Variants in CDON observed in about 807,000 individuals in gnomAD.
CDON encodes the protein cell adhesion molecule-related/down-regulated by oncogenes.
In CDON, 73 loss-of-function variants were observed where a neutral mutation model predicts 120.9. That is an observed-to-expected ratio of 0.60 (90% CI 0.50 to 0.73). CDON has a LOEUF of 0.73. Ranked by LOEUF, CDON falls within the 30% of genes least tolerant of loss-of-function variation. The pLI is 0.00. For missense variants in CDON, 1,470 were observed against 1,587.3 expected (o/e 0.93, Z 1.26); for synonymous variants, 566 against 573.5 (o/e 0.99, Z 0.19).
In CDON at chr11:125,996,280, A is replaced by G. The variant is rs184165983; in HGVS notation, c.2362+927T>C. 2.5e-3 allele frequency among the ~76,000 whole-genome samples: 378 copies of G among 152,248 alleles called. 1 individual carries two copies. The highest frequency in any genetic ancestry group is 6.6e-3 in the African/African-American group (276 of 41,552). ...AAAGCCCAGAAATAAAGAATAGGTAAGTGGATTATGGTATATTTATTTATA... is the reference window on the plus strand; with the variant it reads ...AAAGCCCAGAAATAAAGAATAGGTAGGTGGATTATGGTATATTTATTTATA... On this transcript the variant is annotated intron_variant, in intron 12 of 19. Transcript: ENST00000531738.
chr11:126,053,671 T>C lies in CDON; in HGVS notation c.-62+8908A>G, dbSNP rs12276645. Among the ~76,000 whole-genome samples, 401 of 152,344 alleles carry C rather than the reference T, an allele frequency of 2.6e-3. 2 individuals carry two copies. The highest frequency in any genetic ancestry group is 9.3e-3 in the African/African-American group (386 of 41,574). ...GATGTTTTCAATACATTGCAAGCTA[T>C]GTAATGTATTGCATACCATATCGAG... On this transcript the variant is annotated intron_variant, in intron 1 of 19. Transcript: ENST00000531738.
intron 1 of CDON, among the ~76,000 whole-genome samples, chr11:126,044,415 A>G (rs376658736): frequency 6.6e-6 from 1 of 152,230 alleles, no homozygotes; most frequent in Non-Finnish European, 1.5e-5. Flanking sequence ...TCAGTATAAT[A>G]TATCAAAGGG....
At chr11:125,993,003 G>A (rs910929665) in intron 14 of CDON, among the ~76,000 whole-genome samples, 1 of 152,152 alleles carries the variant, frequency 6.6e-6, no homozygotes, top group African/African-American at 2.4e-5. Flanking sequence ...CCAACATTAG[G>A]GAGTTTACGA....
rs1227135410 is a variant in CDON at position 126,015,528 on chromosome 11, A to C, written c.929-18T>G. 6.2e-7 allele frequency: 1 copy of C among 1,612,672 alleles called. No homozygotes were observed. The highest frequency in any genetic ancestry group is 8.5e-7 in the Non-Finnish European group (1 of 1,179,062). On this transcript the variant is annotated intron_variant, in intron 6 of 19. Transcript: ENST00000531738. Reference sequence around the variant, plus strand: ...AGCATGTTCTGAAAATAAAACACACAAATTAAACTCTAGCCCTCAAAATGT... The same window carrying C: ...AGCATGTTCTGAAAATAAAACACACCAATTAAACTCTAGCCCTCAAAATGT...
chr11:125,996,339 T>C (rs1946781737), intron 12 of CDON, among the ~76,000 whole-genome samples: 1 of 152,138 alleles, frequency 6.6e-6, no homozygotes, highest in Admixed American at 6.6e-5. Flanking sequence ...GTTGAGTTTG[T>C]GAAGAATTTT....
chr11:125,999,866 T>TC (rs1365298868), intron 11 of CDON, among the ~76,000 whole-genome samples: 1 of 152,186 alleles, frequency 6.6e-6, no homozygotes, highest in Non-Finnish European at 1.5e-5. Context: ...CACAAGGCAT[T>TC]CCCCACAGTA....
intron 1 of CDON, among the ~76,000 whole-genome samples, chr11:126,050,971 G>A (rs1948544316): frequency 6.6e-6 from 1 of 151,864 alleles, no homozygotes; most frequent in South Asian, 2.1e-4. Flanking sequence ...CAGTGAATGA[G>A]AAAGAACCTT....
chr11:125,998,153 T>C (rs1031546762), intron 11 of CDON, among the ~76,000 whole-genome samples: 2 of 152,234 alleles, frequency 1.3e-5, no homozygotes, highest in Non-Finnish European at 2.9e-5. Flanking sequence ...GTAGATGGTC[T>C]AGACTCTGCA....
chr11:126,032,950 G>A (rs1591409926), intron 1 of CDON, among the ~76,000 whole-genome samples: 1 of 152,318 alleles, frequency 6.6e-6, no homozygotes, highest in East Asian at 1.9e-4. Flanking sequence ...TGAGGCTGCA[G>A]TGAGCTATGA....
chr11:126,026,854 T>C (rs1214366223), intron 1 of CDON, among the ~76,000 whole-genome samples: 1 of 152,234 alleles, frequency 6.6e-6, no homozygotes, highest in East Asian at 1.9e-4. Context: ...GACATTTTCC[T>C]GAGAGAATGA....
At chr11:126,054,265 G>A (rs1301940620) in intron 1 of CDON, among the ~76,000 whole-genome samples, 1 of 152,120 alleles carries the variant, frequency 6.6e-6, no homozygotes, top group Non-Finnish European at 1.5e-5. Context: ...TATATACCCA[G>A]GAGAACCCCT....
intron 18 of CDON, among the ~76,000 whole-genome samples, chr11:125,964,842 GGAA>G (rs1454606932): frequency 1.3e-5 from 2 of 152,296 alleles, no homozygotes; most frequent in Middle Eastern, 3.4e-3. Flanking sequence ...GAATTAGAGA[GGAA>G]GAAGGACTCT....
Position 125,994,305 on chromosome 11 carries a change from A to C in CDON, c.2629T>G (p.Tyr877Asp). The C allele has an allele frequency of 6.3e-7, 1 of 1,594,356 alleles. No individual in the cohort carries two copies. The highest frequency in any genetic ancestry group is 1.1e-5 in the South Asian group (1 of 90,688). Reference sequence around the variant, plus strand: ...TTACCTTCTACAACATCCCTCTTGTAATCACTGTCATTGTCACTATCTGTT... The same window carrying C: ...TTACCTTCTACAACATCCCTCTTGTCATCACTGTCATTGTCACTATCTGTT... ...RPTDSDNDSD[Y>D]KRDVVEGSKQ... is the part of the protein sequence containing the mutation. The change falls in exon 14 of 20, where the codon TAC (tyrosine) becomes GAC (aspartate). Residue 877 changes from tyrosine to aspartate, a missense_variant. Transcript: ENST00000531738.
intron 18 of CDON, among the ~76,000 whole-genome samples, chr11:125,964,764 T>C (rs1472766988): frequency 6.6e-6 from 1 of 152,188 alleles, no homozygotes; most frequent in Non-Finnish European, 1.5e-5. Flanking sequence ...AGTCCCAGTG[T>C]ATTCTTCCAT....
At chr11:125,980,967 C>T (rs897323577) in intron 17 of CDON, 82 bp downstream of exon 17, 1 of 1,442,748 alleles carries the variant, frequency 6.9e-7, no homozygotes, top group Non-Finnish European at 9.7e-7. Context: ...CTATACTGAA[C>T]AAAGCCAAGC....
At chr11:126,021,624 G>T in intron 2 of CDON, 104 bp from the exon 3 acceptor site, 1 of 1,010,398 alleles carries the variant, frequency 9.9e-7, no homozygotes, top group Non-Finnish European at 1.5e-6. Context: ...ATAACTAAAG[G>T]CAATCTTTTA....
At chr11:126,049,020 C>A (rs1046473129) in intron 1 of CDON, among the ~76,000 whole-genome samples, 1 of 151,984 alleles carries the variant, frequency 6.6e-6, no homozygotes, top group Non-Finnish European at 1.5e-5. Context: ...CGTGAGCCAC[C>A]GCGCCCAGCC....
At chr11:126,036,231 C>A (rs1948094220) in intron 1 of CDON, among the ~76,000 whole-genome samples, 1 of 152,190 alleles carries the variant, frequency 6.6e-6, no homozygotes, top group Non-Finnish European at 1.5e-5. Flanking sequence ...ATTATGATTA[C>A]ATCTGATTTT....
intron 8 of CDON, among the ~76,000 whole-genome samples, chr11:126,009,458 T>C (rs1359962309): frequency 6.6e-6 from 1 of 152,128 alleles, no homozygotes; most frequent in Non-Finnish European, 1.5e-5. Context: ...AAGCAGGAAA[T>C]GCTGGAGCCC....
Sources: gnomAD v4.1 joint callset for allele counts (sites outside exome capture counted in the v4.1 genomes callset) on GRCh38, gnomAD v4.1.1 for gene constraint, MANE v1.5 for transcripts, NCBI Gene and HGNC (gene_info 2026-07-23, HGNC 2026-07-21) for gene names.